The following DENND2B variants were observed in gnomAD, a reference collection of about 807,000 sequenced individuals.
DENND2B encodes the protein DENN domain containing 2B.
In DENND2B, 32 loss-of-function variants were observed where a neutral mutation model predicts 116.0. That is an observed-to-expected ratio of 0.28 (90% CI 0.21 to 0.37). The LOEUF (loss-of-function observed/expected upper bound fraction) is 0.37. Among genes scored for constraint, DENND2B ranks in the 10% least tolerant of loss-of-function variants. The pLI is 1.00. For synonymous variants in DENND2B, 588 were observed against 583.9 expected (o/e 1.01, Z -0.10); for missense variants, 1,276 against 1,477.7 (o/e 0.86, Z 2.24).
intron 13 of DENND2B, among the ~76,000 whole-genome samples, chr11:8,705,585 G>C (rs1290887683): frequency 6.6e-6 from 1 of 152,144 alleles, no homozygotes; most frequent in East Asian, 1.9e-4. Context: ...ACCTTCTCTT[G>C]GGGGTCTCAT....
intron 4 of DENND2B, among the ~76,000 whole-genome samples, chr11:8,723,185 C>T (rs1265340385): frequency 1.3e-5 from 2 of 152,110 alleles, no homozygotes; most frequent in Non-Finnish European, 2.9e-5. Flanking sequence ...TGGCTGCTGC[C>T]GTGGGCAGAG....
At chr11:8,777,028 A>G (rs544248059) in intron 1 of DENND2B, among the ~76,000 whole-genome samples, 1 of 152,196 alleles carries the variant, frequency 6.6e-6, no homozygotes, top group Non-Finnish European at 1.5e-5. Flanking sequence ...AGCTTATGAG[A>G]GAGTGAATGG....
At chr11:8,791,196 G>A (rs1266249632) in intron 1 of DENND2B, among the ~76,000 whole-genome samples, 1 of 152,136 alleles carries the variant, frequency 6.6e-6, no homozygotes, top group East Asian at 1.9e-4. Flanking sequence ...CAGCCAGGGT[G>A]AGCTCATCAA....
At chr11:8,694,657 A>G (rs2040016206) in intron 19 of DENND2B, 1 of 456,150 alleles carries the variant, frequency 2.2e-6, no homozygotes. Context: ...TATAGATTCA[A>G]CCAACTGGAG....
chr11:8,822,012 A>T (rs1433644675), intron 4 of DENND2B, among the ~76,000 whole-genome samples: 1 of 152,110 alleles, frequency 6.6e-6, no homozygotes, highest in Non-Finnish European at 1.5e-5. Context: ...GGCTGGTCTC[A>T]AACTTGTGAA....
At chr11:8,904,877 C>T (rs996246912) in intron 1 of DENND2B, among the ~76,000 whole-genome samples, 3 of 151,982 alleles carry the variant, frequency 2.0e-5, no homozygotes, top group Admixed American at 1.3e-4. Context: ...CTAATCACTA[C>T]ACAATATTAG....
intron 1 of DENND2B, among the ~76,000 whole-genome samples, chr11:8,784,831 C>G (rs996415842): frequency 7.2e-6 from 1 of 138,052 alleles, no homozygotes; most frequent in African/African-American, 3.2e-5. Flanking sequence ...AAGTAAGACT[C>G]CTTCTCAAAA....
intron 1 of DENND2B, among the ~76,000 whole-genome samples, chr11:8,885,225 T>G (rs2063947538): frequency 6.6e-6 from 1 of 152,248 alleles, no homozygotes; most frequent in African/African-American, 2.4e-5. Context: ...GATCACAAAC[T>G]AAATTATTCT....
intron 1 of DENND2B, among the ~76,000 whole-genome samples, chr11:8,901,229 C>CTTTTCTTTTCTTT (rs781408078): frequency 9.9e-4 from 83 of 83,914 alleles, no homozygotes; most frequent in Non-Finnish European, 1.2e-3. Flanking sequence ...CTTTTCTTTT[C>CTTTTCTTTTCTTT]TTTTTTTTTT....
rs1018952411 is a variant in DENND2B at position 8,766,660 on chromosome 11, T to C, written c.-25-15935A>G. The C allele has an allele frequency of 2.1e-5, 27 of 1,289,230 alleles. No homozygotes were observed. The African/African-American group carries it at 3.8e-4, about 18-fold the overall frequency. 79.9% of individuals were successfully genotyped at this position (1,289,230 alleles called of 1,614,324 possible). On this transcript the variant is annotated intron_variant, in intron 1 of 19. Transcript: ENST00000313726. ...ACCTTCTTTGTTCCCACGGGGTTTCTTGCCAGCTATGCGCCCCACCTCCAT... is the reference window on the plus strand; with the variant it reads ...ACCTTCTTTGTTCCCACGGGGTTTCCTGCCAGCTATGCGCCCCACCTCCAT...
At chr11:8,799,650 C>T (rs1235812667) in intron 1 of DENND2B, among the ~76,000 whole-genome samples, 4 of 146,882 alleles carry the variant, frequency 2.7e-5, no homozygotes, top group Admixed American at 7.0e-5. Flanking sequence ...GTGATCATTG[C>T]GCAGGACAGC....
intron 1 of DENND2B, among the ~76,000 whole-genome samples, chr11:8,765,846 T>C (rs1565894671): frequency 6.6e-6 from 1 of 152,146 alleles, no homozygotes; most frequent in African/African-American, 2.4e-5. Flanking sequence ...GAGACCAGCC[T>C]GGCCAACATG....
intron 1 of DENND2B, chr11:8,766,807 G>T: frequency 1.8e-6 from 1 of 552,970 alleles, no homozygotes; most frequent in Non-Finnish European, 3.0e-6. Context: ...GTTGGAGAAT[G>T]TGACAGAGGA....
chr11:8,698,066 G>C, intron 16 of DENND2B: 1 of 345,324 alleles, frequency 2.9e-6, no homozygotes. Context: ...CCTGAGCCCA[G>C]GCAGGTCGAG....
intron 2 of DENND2B, among the ~76,000 whole-genome samples, chr11:8,857,609 C>T (rs1594263923): frequency 6.6e-6 from 1 of 152,218 alleles, no homozygotes; most frequent in African/African-American, 2.4e-5. Flanking sequence ...CTATTTCCAG[C>T]CCATACAAGC....
At position 8,908,085 on chromosome 11, in the gene DENND2B, ACT is replaced by A. The variant is rs535068305; in HGVS notation, c.-256+2734_-256+2735del. Reference sequence around the variant, plus strand: ...AACAAATGGCTACTGAACACCCGCTACTTAACAGGTCCTGGAATGTTTAGGGA... The same window carrying A: ...AACAAATGGCTACTGAACACCCGCTATAACAGGTCCTGGAATGTTTAGGGA... On this transcript the variant is annotated intron_variant, in intron 1 of 22. Transcript: ENST00000534127. Among the ~76,000 whole-genome samples the A allele has an allele frequency of 1.7e-4, 26 of 152,356 alleles. No homozygotes were observed. In the South Asian group the frequency reaches 3.5e-3, roughly 21 times the overall value.
chr11:8,741,104 G>C (rs185151315), intron 2 of DENND2B, among the ~76,000 whole-genome samples: 15 of 152,308 alleles, frequency 9.8e-5, no homozygotes, highest in Admixed American at 7.8e-4. Context: ...AGGGTCCAGG[G>C]CAGCCTCAGC....
chr11:8,714,598 A>ACCAAAG lies in DENND2B; in HGVS notation c.1942+6_1942+11dup. Reference sequence around the variant, plus strand: ...CCCAAACAGCTGAACCAGCTCTGGCACCAAAGCCTACCTCTCAGTGATGCT... The same window carrying ACCAAAG: ...CCCAAACAGCTGAACCAGCTCTGGCACCAAAGCCAAAGCCTACCTCTCAGTGATGCT... On this transcript the variant is annotated intron_variant, in intron 7 of 19. Coordinates refer to ENST00000313726, the MANE Select transcript of DENND2B (RefSeq NM_213618.2). The ACCAAAG allele has an allele frequency of 6.2e-7, 1 of 1,612,084 alleles. No homozygotes were observed. The highest frequency in any genetic ancestry group is 1.1e-5 in the South Asian group (1 of 91,046).
intron 1 of DENND2B, among the ~76,000 whole-genome samples, chr11:8,908,448 C>T (rs1050600501): frequency 2.6e-5 from 4 of 152,230 alleles, no homozygotes; most frequent in African/African-American, 9.6e-5. Context: ...TTATTGAGCA[C>T]CTACTATGTA....
Sources: allele counts gnomAD v4.1 joint callset (sites outside exome capture counted in the v4.1 genomes callset), GRCh38; gene constraint gnomAD v4.1.1; transcripts MANE v1.5; gene names NCBI Gene and HGNC (gene_info 2026-07-23, HGNC 2026-07-21).